The following ROBO2 variants were observed in gnomAD, a reference collection of about 807,000 sequenced individuals.
The protein encoded by ROBO2 is roundabout homolog 2.
A neutral mutation model predicts 160.8 loss-of-function variants in ROBO2; 53 were observed. That is an observed-to-expected ratio of 0.33 (90% CI 0.26 to 0.41). ROBO2 has a LOEUF of 0.41. ROBO2 is among the 10% of genes least tolerant of loss of function. The pLI is 1.00. For missense variants in ROBO2, 1,577 were observed against 1,722.4 expected (o/e 0.92, Z 1.49); for synonymous variants, 664 against 611.7 (o/e 1.09, Z -1.26).
chr3:77,141,432 G>T (rs2150429205), intron 2 of ROBO2, among the ~76,000 whole-genome samples: 1 of 152,254 alleles, frequency 6.6e-6, no homozygotes, highest in Admixed American at 6.5e-5. Context: ...CTGGTCCATT[G>T]CCTTGTTGCC....
intron 19 of ROBO2, among the ~76,000 whole-genome samples, chr3:77,599,733 GAAT>G (rs1391121656): frequency 1.3e-5 from 2 of 151,952 alleles, no homozygotes; most frequent in Admixed American, 6.6e-5. Flanking sequence ...ATAGTACTTA[GAAT>G]AATAAAGTTA....
chr3:76,344,084 A>AT (rs1386378554), intron 2 of ROBO2, among the ~76,000 whole-genome samples: 1 of 152,246 alleles, frequency 6.6e-6, no homozygotes, highest in South Asian at 2.1e-4. Context: ...TTAAGCTATT[A>AT]TGACAGTAAA....
At chr3:76,557,280 G>T (rs1016193346) in intron 2 of ROBO2, among the ~76,000 whole-genome samples, 2 of 151,844 alleles carry the variant, frequency 1.3e-5, no homozygotes, top group Admixed American at 6.6e-5. Flanking sequence ...ATATTTTATG[G>T]TTTATAGTGG....
chr3:76,224,133 G>A (rs1691410490), intron 2 of ROBO2, among the ~76,000 whole-genome samples: 1 of 152,090 alleles, frequency 6.6e-6, no homozygotes, highest in Non-Finnish European at 1.5e-5. Context: ...TATTGGTACT[G>A]TTTATTTGGG....
chr3:77,246,481 T>C (rs2151413703), intron 2 of ROBO2, among the ~76,000 whole-genome samples: 1 of 152,178 alleles, frequency 6.6e-6, no homozygotes, highest in South Asian at 2.1e-4. Flanking sequence ...TGGTTATATA[T>C]GGGAGATCAC....
chr3:76,215,912 A>G (rs1457151358), intron 2 of ROBO2, among the ~76,000 whole-genome samples: 1 of 152,186 alleles, frequency 6.6e-6, no homozygotes, highest in Non-Finnish European at 1.5e-5. Flanking sequence ...GCCAGAGAGA[A>G]AGGTCAGGTA....
chr3:76,564,305 G>A (rs2084380539), intron 2 of ROBO2, among the ~76,000 whole-genome samples: 1 of 152,116 alleles, frequency 6.6e-6, no homozygotes, highest in African/African-American at 2.4e-5. Context: ...TGTTTAGTTT[G>A]TATTGAAGAA....
intron 2 of ROBO2, among the ~76,000 whole-genome samples, chr3:76,589,445 C>G (rs6763157): frequency 6.6e-6 from 1 of 152,182 alleles, no homozygotes; most frequent in Non-Finnish European, 1.5e-5. Context: ...GGACTACAGG[C>G]GCCGCCACCA....
At chr3:76,248,604 C>G (rs1479149484) in intron 2 of ROBO2, among the ~76,000 whole-genome samples, 1 of 150,276 alleles carries the variant, frequency 6.7e-6, no homozygotes, top group African/African-American at 2.5e-5. Flanking sequence ...AACTAACCTG[C>G]ACAATGTGCA....
At position 76,775,802 on chromosome 3, in the gene ROBO2, C is replaced by T. The variant is rs139258293; in HGVS notation, c.110-322212C>T. ...TATTACGAAGCTTAGGAATTTAAAC[C>T]TAAGTGATATCTAAAATTGGAATAA... On this transcript the variant is annotated intron_variant, in intron 2 of 26. Coordinates refer to the ROBO2 transcript ENST00000487694. Among the ~76,000 whole-genome samples the T allele has an allele frequency of 4.6e-3, 689 of 150,714 alleles. 5 individuals carry two copies. Among genetic ancestry groups the T allele is most frequent in the African/African-American group, 0.016 (660 of 41,322 alleles).
chr3:76,324,219 A>G (rs1368512668), intron 2 of ROBO2, among the ~76,000 whole-genome samples: 2 of 152,196 alleles, frequency 1.3e-5, no homozygotes, highest in Non-Finnish European at 2.9e-5. Context: ...GCCAAAAGTA[A>G]AACACTGAAA....
intron 2 of ROBO2, 113 bp from the exon 3 acceptor site, chr3:77,477,301 A>C (rs2084127472): frequency 1.9e-6 from 2 of 1,078,092 alleles, no homozygotes; most frequent in Non-Finnish European, 2.9e-6. Flanking sequence ...CTCAGTAAAA[A>C]TCCAGGCAAT....
chr3:76,635,659 A>C (rs911994079), intron 2 of ROBO2, among the ~76,000 whole-genome samples: 1 of 152,238 alleles, frequency 6.6e-6, no homozygotes, highest in Non-Finnish European at 1.5e-5. Flanking sequence ...GCCAAGCATC[A>C]TAAAAGCTAC....
At chr3:76,039,774 G>A (rs1308786559) in intron 2 of ROBO2, among the ~76,000 whole-genome samples, 2 of 152,002 alleles carry the variant, frequency 1.3e-5, no homozygotes, top group African/African-American at 4.8e-5. Flanking sequence ...CTGATGAAGA[G>A]AAGAAATATT....
At chr3:77,565,542 G>A (rs1212672576) in intron 12 of ROBO2, among the ~76,000 whole-genome samples, 1 of 152,056 alleles carries the variant, frequency 6.6e-6, no homozygotes, top group Non-Finnish European at 1.5e-5. Flanking sequence ...CTCACAGTGT[G>A]GTTCCTGGGT....
chr3:76,475,938 A>T (rs2078909946), intron 2 of ROBO2, among the ~76,000 whole-genome samples: 1 of 152,118 alleles, frequency 6.6e-6, no homozygotes, highest in Admixed American at 6.5e-5. Flanking sequence ...AGATCACTTG[A>T]GGTCAGGAGT....
chr3:76,426,399 T>C (rs1019901178), intron 2 of ROBO2, among the ~76,000 whole-genome samples: 1 of 152,120 alleles, frequency 6.6e-6, no homozygotes, highest in South Asian at 2.1e-4. Flanking sequence ...TTACAGAGAT[T>C]GGAACTCTGT....
intron 2 of ROBO2, among the ~76,000 whole-genome samples, chr3:75,954,019 A>G (rs61112564): frequency 0.013 from 1,997 of 151,764 alleles, 34 homozygotes; most frequent in African/African-American, 0.045. Context: ...AATTGTCTCT[A>G]TAGATGTATT....
chr3:76,676,606 G>A (rs1021568574), intron 2 of ROBO2, among the ~76,000 whole-genome samples: 4 of 152,142 alleles, frequency 2.6e-5, no homozygotes, highest in South Asian at 2.1e-4. Flanking sequence ...ATGAGCTGAA[G>A]CAACCTCACA....
Sources: gnomAD v4.1 joint callset for allele counts (sites outside exome capture counted in the v4.1 genomes callset) on GRCh38, gnomAD v4.1.1 for gene constraint, MANE v1.5 for transcripts, NCBI Gene and HGNC (gene_info 2026-07-23, HGNC 2026-07-21) for gene names.